Variants in DYNLT2B observed in about 807,000 individuals in gnomAD.
DYNLT2B encodes the protein dynein light chain Tctex-type 2B.
Under a neutral mutation model 19.5 loss-of-function variants are expected in DYNLT2B, and 14 were observed. The ratio of observed to expected loss-of-function variants is 0.72; its 90% CI spans 0.47 to 1.12. The LOEUF is 1.12. DYNLT2B is among the 50% of genes most tolerant of loss of function. The pLI is 0.00. For synonymous variants in DYNLT2B, 70 were observed against 59.7 expected (o/e 1.17, Z -0.79); for missense variants, 133 against 174.7 (o/e 0.76, Z 1.35).
intron 2 of DYNLT2B, among the ~76,000 whole-genome samples, chr3:196,313,070 G>A (rs1017493265): frequency 6.6e-6 from 1 of 152,110 alleles, no homozygotes; most frequent in African/African-American, 2.4e-5. Flanking sequence ...AACTAAACAG[G>A]AGGCAACTGA....
chr3:196,301,296 A>C (rs912553672), intron 3 of DYNLT2B, among the ~76,000 whole-genome samples: 5 of 152,230 alleles, frequency 3.3e-5, no homozygotes, highest in Admixed American at 6.5e-5. Context: ...CTTTTAAGCA[A>C]TATCTAAGAT....
intron 4 of DYNLT2B, among the ~76,000 whole-genome samples, chr3:196,293,865 A>C (rs1186946189): frequency 6.7e-6 from 1 of 149,822 alleles, no homozygotes; most frequent in African/African-American, 2.4e-5. Context: ...GGATGGTCTC[A>C]ATCTCTTGAC....
intron 4 of DYNLT2B, among the ~76,000 whole-genome samples, chr3:196,294,090 G>A (rs1207972858): frequency 6.6e-6 from 1 of 151,272 alleles, no homozygotes; most frequent in African/African-American, 2.4e-5. Context: ...AGTGGCTCAC[G>A]CCTATAATCC....
chr3:196,316,355 T>A, intron 1 of DYNLT2B, 124 bp from the exon 2 acceptor site: 1 of 1,002,902 alleles, frequency 1.0e-6, no homozygotes, highest in Non-Finnish European at 1.4e-6. Context: ...ATATTTTTTA[T>A]TATAAAATAT....
intron 2 of DYNLT2B, among the ~76,000 whole-genome samples, chr3:196,312,572 C>T (rs1726671093): frequency 6.6e-6 from 1 of 152,034 alleles, no homozygotes; most frequent in Non-Finnish European, 1.5e-5. Flanking sequence ...GATTCCCCTG[C>T]CTCAGCCTCC....
intron 1 of DYNLT2B, among the ~76,000 whole-genome samples, chr3:196,316,935 G>T (rs917707986): frequency 1.7e-5 from 1 of 59,156 alleles, no homozygotes; most frequent in Non-Finnish European, 3.5e-5. Flanking sequence ...GTGTTGTGTG[G>T]TGTGTGTGTG....
chr3:196,295,041 C>T (rs573873332), intron 4 of DYNLT2B, among the ~76,000 whole-genome samples: 1 of 152,288 alleles, frequency 6.6e-6, no homozygotes, highest in Admixed American at 6.5e-5. Context: ...CCCACCTGGC[C>T]TCACTCTCTT....
chr3:196,303,516 C>A (rs1268854770), intron 3 of DYNLT2B, among the ~76,000 whole-genome samples: 1 of 152,062 alleles, frequency 6.6e-6, no homozygotes, highest in Non-Finnish European at 1.5e-5. Context: ...CAGTATGTAC[C>A]ATTGATATGA....
At chr3:196,291,489 TC>T in intron 4 of DYNLT2B, 115 bp from the exon 5 acceptor site, 1 of 1,158,872 alleles carries the variant, frequency 8.6e-7, no homozygotes, top group African/African-American at 1.6e-5. Context: ...ATTTTTTTTT[TC>T]TTTTTTGAGA....
intron 4 of DYNLT2B, chr3:196,292,236 T>C (rs940241069): frequency 4.6e-5 from 7 of 152,250 alleles, no homozygotes. Context: ...TTAAAACATT[T>C]TTAGGCATTT....
chr3:196,305,422 T>C (rs970050026), intron 3 of DYNLT2B, among the ~76,000 whole-genome samples: 1 of 152,196 alleles, frequency 6.6e-6, no homozygotes, highest in African/African-American at 2.4e-5. Context: ...CATAGGTATA[T>C]AATCAGCAAC....
intron 3 of DYNLT2B, chr3:196,298,139 C>T: frequency 2.8e-6 from 1 of 359,938 alleles, no homozygotes; most frequent in Non-Finnish European, 5.5e-6. Context: ...CAACCAGATC[C>T]ACTGGAGAAT....
intron 3 of DYNLT2B, among the ~76,000 whole-genome samples, chr3:196,302,205 A>G (rs1417131376): frequency 6.6e-6 from 1 of 152,210 alleles, no homozygotes; most frequent in Non-Finnish European, 1.5e-5. Context: ...GACCAAACAT[A>G]CATGTAACCT....
chr3:196,306,247 CA>C (rs112341100), intron 3 of DYNLT2B, among the ~76,000 whole-genome samples: 43,068 of 104,320 alleles, frequency 0.41, 7,464 homozygotes, highest in East Asian at 0.83. Context: ...CCCATCTCTG[CA>C]AAAAAAAAAA....
At chr3:196,294,879 C>T (rs1360918391) in intron 4 of DYNLT2B, among the ~76,000 whole-genome samples, 5 of 151,660 alleles carry the variant, frequency 3.3e-5, no homozygotes, top group Non-Finnish European at 7.4e-5. Context: ...GGATTACAGG[C>T]GTGCACCACC....
chr3:196,314,041 T>A (rs1165420951), intron 2 of DYNLT2B, among the ~76,000 whole-genome samples: 1 of 152,002 alleles, frequency 6.6e-6, no homozygotes, highest in Non-Finnish European at 1.5e-5. Context: ...GAGATTGCAG[T>A]GAGCCAAGAT....
At chr3:196,312,100 G>A (rs1014387937) in intron 2 of DYNLT2B, among the ~76,000 whole-genome samples, 44 of 152,164 alleles carry the variant, frequency 2.9e-4, no homozygotes, top group African/African-American at 7.2e-4. Context: ...GCCTGGTTTC[G>A]AACTCACAAC....
chr3:196,314,335 T>C (rs1462736659), intron 2 of DYNLT2B, among the ~76,000 whole-genome samples: 2 of 151,514 alleles, frequency 1.3e-5, no homozygotes, highest in African/African-American at 4.9e-5. Context: ...TGGTGGCGCA[T>C]GCTTGAAATT....
chr3:196,308,082 G>GAAAAAAAA (rs201886079), intron 2 of DYNLT2B, among the ~76,000 whole-genome samples: 4 of 108,984 alleles, frequency 3.7e-5, no homozygotes, highest in South Asian at 2.8e-4. Flanking sequence ...ACTCCATCTC[G>GAAAAAAAA]AAAAAAAAAA....
Sources: gnomAD v4.1 joint callset for allele counts (sites outside exome capture counted in the v4.1 genomes callset) on GRCh38, gnomAD v4.1.1 for gene constraint, MANE v1.5 for transcripts, NCBI Gene and HGNC (gene_info 2026-07-23, HGNC 2026-07-21) for gene names.